The following ANKRD42 variants were observed in gnomAD, a reference collection of about 807,000 sequenced individuals.
ANKRD42 encodes the protein ankyrin repeat domain-containing protein 42.
A neutral mutation model predicts 51.5 loss-of-function variants in ANKRD42; 43 were observed. The observed-to-expected ratio is 0.83, with a 90% CI of 0.65 to 1.08. The LOEUF is 1.08. ANKRD42 is among the 50% of genes least tolerant of loss of function. The pLI is 0.00. For missense variants in ANKRD42, 608 were observed against 629.3 expected (o/e 0.97, Z 0.36); for synonymous variants, 203 against 213.0 (o/e 0.95, Z 0.41).
At chr11:83,207,629 T>C (rs555143658) in intron 3 of ANKRD42, among the ~76,000 whole-genome samples, 1 of 152,336 alleles carries the variant, frequency 6.6e-6, no homozygotes, top group South Asian at 2.1e-4. Flanking sequence ...TATTGTGTGT[T>C]AGTCTCTCAT....
chr11:83,216,194 C>A (rs561569023), intron 5 of ANKRD42, among the ~76,000 whole-genome samples: 1 of 152,212 alleles, frequency 6.6e-6, no homozygotes. Flanking sequence ...AGTTATCACA[C>A]ACCACAGTTA....
intron 4 of ANKRD42, among the ~76,000 whole-genome samples, chr11:83,210,795 A>G (rs1219737334): frequency 6.6e-6 from 1 of 152,250 alleles, no homozygotes; most frequent in Non-Finnish European, 1.5e-5. Context: ...AGTGATTTAG[A>G]AAGTGATTTA....
chr11:83,229,920 A>C (rs972264929), intron 7 of ANKRD42, among the ~76,000 whole-genome samples: 1 of 152,194 alleles, frequency 6.6e-6, no homozygotes, highest in Non-Finnish European at 1.5e-5. Context: ...TGATACAGAC[A>C]TGGAATGTGA....
chr11:83,245,290 C>T (rs1863510110), intron 9 of ANKRD42, among the ~76,000 whole-genome samples: 1 of 152,214 alleles, frequency 6.6e-6, no homozygotes, highest in Non-Finnish European at 1.5e-5. Context: ...GGAAAGAATC[C>T]TCCATTTAGG....
chr11:83,241,443 A>G (rs1863384719), intron 9 of ANKRD42, among the ~76,000 whole-genome samples: 1 of 152,214 alleles, frequency 6.6e-6, no homozygotes, highest in Non-Finnish European at 1.5e-5. Flanking sequence ...TAGATAAGAA[A>G]GTCATTAGGC....
chr11:83,234,884 A>G (rs538473611), intron 7 of ANKRD42, among the ~76,000 whole-genome samples: 55 of 152,310 alleles, frequency 3.6e-4, no homozygotes, highest in African/African-American at 1.3e-3. Flanking sequence ...AGAGGACAAC[A>G]GAACCAGAGT....
exon 12 of ANKRD42, chr11:83,255,974 T>C (rs1863765608): frequency 7.0e-7 from 1 of 1,435,272 alleles, no homozygotes; most frequent in Non-Finnish European, 9.3e-7. Flanking sequence ...ATTTTTCTCT[T>C]TCATTAAAAA....
chr11:83,212,563 A>G (rs1862364235), intron 5 of ANKRD42: 4 of 1,074,132 alleles, frequency 3.7e-6, no homozygotes, highest in African/African-American at 1.6e-5. Flanking sequence ...AGTGAAAATG[A>G]TACTTAAATG....
At position 83,247,863 on chromosome 11, in the gene ANKRD42, T is replaced by C; in HGVS notation, c.1323-80T>C. ...TTTGTTTTATTTGCCTTAAATACAA[T>C]GTATGAATGCTTTCCACTACTAAAA... On this transcript the variant is annotated intron_variant, in intron 10 of 10. Transcript: ENST00000533342. 4 of 1,181,752 alleles carry C rather than the reference T, an allele frequency of 3.4e-6. No homozygotes were observed. The South Asian group carries it at 6.2e-5, about 18-fold the overall frequency. 73.2% of individuals were successfully genotyped at this position (1,181,752 alleles called of 1,614,324 possible).
At chr11:83,262,784 A>T (rs934171225), downstream of ANKRD42, among the ~76,000 whole-genome samples, 22 of 152,210 alleles carry the variant, frequency 1.4e-4, no homozygotes, top group Non-Finnish European at 2.9e-4. Flanking sequence ...TAATGATAAG[A>T]TCATTTTCTC....
At chr11:83,218,607 C>T (rs1331856722) in intron 5 of ANKRD42, among the ~76,000 whole-genome samples, 3 of 152,154 alleles carry the variant, frequency 2.0e-5, no homozygotes, top group African/African-American at 7.2e-5. Flanking sequence ...AGTAAATGGG[C>T]CCAAATTCTC....
At chr11:83,258,031 A>T (rs1398097120), downstream of ANKRD42, among the ~76,000 whole-genome samples, 1 of 152,148 alleles carries the variant, frequency 6.6e-6, no homozygotes, top group Admixed American at 6.5e-5. Context: ...CTATAATGCC[A>T]CCTCTTGCTC....
rs779108754 is a variant in ANKRD42 at position 83,210,373 on chromosome 11, C to A, written c.404C>A (p.Thr135Asn). The stretch of plus-strand genomic sequence containing the variant: ...TGCACTCCTTTACATCTTGCTGCAA[C>A]TCATGGACATTCTTTCACTTTACAA... ...RGCTPLHLAA[T>N]HGHSFTLQIM... The change falls in exon 4 of 11, where the codon ACT becomes AAT. Residue 135 changes from threonine to asparagine, a missense_variant. Thr to Asn is a moderately conservative substitution (Grantham distance 65). Coordinates refer to ENST00000533342, the MANE Select transcript of ANKRD42 (RefSeq NM_001300975.2). The A allele has an allele frequency of 6.2e-7, 1 of 1,613,956 alleles. No homozygotes were observed. Among genetic ancestry groups the A allele is most frequent in the Non-Finnish European group, 8.5e-7 (1 of 1,179,960 alleles).
chr11:83,227,670 G>C, intron 6 of ANKRD42, 77 bp from the exon 7 acceptor site: 1 of 1,463,252 alleles, frequency 6.8e-7, no homozygotes, highest in African/African-American at 1.4e-5. Flanking sequence ...ATTGAAACCT[G>C]AAATATATGA....
intron 3 of ANKRD42, among the ~76,000 whole-genome samples, chr11:83,208,135 C>T (rs1057248514): frequency 2.0e-5 from 3 of 152,080 alleles, no homozygotes; most frequent in Non-Finnish European, 4.4e-5. Context: ...GTGATCCTCC[C>T]ACCTCAGCCT....
intron 2 of ANKRD42, among the ~76,000 whole-genome samples, chr11:83,204,023 A>G (rs1265248784): frequency 6.6e-6 from 1 of 151,810 alleles, no homozygotes; most frequent in East Asian, 1.9e-4. Context: ...GCTCACTGCA[A>G]CCTCTGCCTC....
chr11:83,255,459 A>C (rs1371680718), intron 11 of ANKRD42, among the ~76,000 whole-genome samples: 1 of 152,224 alleles, frequency 6.6e-6, no homozygotes, highest in Non-Finnish European at 1.5e-5. Flanking sequence ...CTGGCAAAAG[A>C]ATCCAGAAGA....
chr11:83,262,083 T>TAGAA, downstream of ANKRD42: 1 of 649,698 alleles, frequency 1.5e-6, no homozygotes, highest in South Asian at 2.3e-5. Flanking sequence ...ACCAATTTTC[T>TAGAA]ATCCTATGTT....
At chr11:83,260,325 T>C (rs955156884), downstream of ANKRD42, 5 of 152,216 alleles carry the variant, frequency 3.3e-5, no homozygotes, top group African/African-American at 9.7e-5. Context: ...GGCAGTCATA[T>C]TGGTTAACTG....
Sources: allele counts gnomAD v4.1 joint callset (sites outside exome capture counted in the v4.1 genomes callset), GRCh38; gene constraint gnomAD v4.1.1; transcripts MANE v1.5; gene names NCBI Gene and HGNC (gene_info 2026-07-23, HGNC 2026-07-21).